Variants in GBE1 observed in about 807,000 individuals in gnomAD.
GBE1 encodes the protein 1,4-alpha-glucan-branching enzyme.
A neutral mutation model predicts 88.8 loss-of-function variants in GBE1; 70 were observed. That is an observed-to-expected ratio of 0.79 (90% CI 0.65 to 0.96). The LOEUF is 0.96. Among genes scored for constraint, GBE1 ranks in the 40% least tolerant of loss-of-function variants. The probability of loss-of-function intolerance (pLI) is 0.00; values close to 1 mark genes in which losing one functional copy is unlikely to be tolerated. For missense variants in GBE1, 872 were observed against 871.0 expected (o/e 1.00, Z -0.01); for synonymous variants, 284 against 300.1 (o/e 0.95, Z 0.56).
rs535869777 is a variant in GBE1, at chr3:81,546,382, T to C, written c.1619-9287A>G. ...ATTCCTCATAACTGTACCAGGTTTGTCAGGGGTGTCTGAACCACAGCAACT... is the reference window on the plus strand; with the variant it reads ...ATTCCTCATAACTGTACCAGGTTTGCCAGGGGTGTCTGAACCACAGCAACT... On this transcript the variant is annotated intron_variant, in intron 12 of 15. Coordinates refer to ENST00000429644, the MANE Select transcript of GBE1 (RefSeq NM_000158.4). Among the ~76,000 whole-genome samples the C allele has an allele frequency of 3.3e-5, 5 of 152,222 alleles. No individual in the cohort carries two copies. The East Asian group carries it at 7.7e-4, about 24-fold the overall frequency.
chr3:81,676,292 C>T (rs1052391068), intron 2 of GBE1, among the ~76,000 whole-genome samples: 1 of 151,960 alleles, frequency 6.6e-6, no homozygotes, highest in Non-Finnish European at 1.5e-5. Context: ...CATTTAGGAA[C>T]CTCCAAGAAT....
intron 3 of GBE1, among the ~76,000 whole-genome samples, chr3:81,667,765 T>C (rs968198179): frequency 1.3e-5 from 2 of 152,218 alleles, no homozygotes; most frequent in African/African-American, 4.8e-5. Flanking sequence ...TTTGCATATG[T>C]TGAACCAGCC....
chr3:81,543,333 C>T (rs1559639772), intron 12 of GBE1, among the ~76,000 whole-genome samples: 1 of 151,950 alleles, frequency 6.6e-6, no homozygotes, highest in Non-Finnish European at 1.5e-5. Flanking sequence ...TACAGGGTGG[C>T]TCTGAATGTT....
chr3:81,681,973 A>C (rs1413035254), intron 2 of GBE1, among the ~76,000 whole-genome samples: 1 of 152,258 alleles, frequency 6.6e-6, no homozygotes, highest in Admixed American at 6.5e-5. Context: ...GGACACTATC[A>C]AGAAAGTGAA....
chr3:81,536,130 T>C (rs149296679), intron 13 of GBE1, among the ~76,000 whole-genome samples: 57 of 151,990 alleles, frequency 3.8e-4, no homozygotes, highest in African/African-American at 1.3e-3. Context: ...CTTCTGGAAA[T>C]AGCATTACTA....
At chr3:81,703,107 T>A (rs1158107180) in intron 2 of GBE1, among the ~76,000 whole-genome samples, 1 of 151,982 alleles carries the variant, frequency 6.6e-6, no homozygotes, top group African/African-American at 2.4e-5. Flanking sequence ...CCTCAACCTC[T>A]GCATGGAATT....
chr3:81,625,969 T>C (rs1576174987), intron 7 of GBE1, among the ~76,000 whole-genome samples: 1 of 152,340 alleles, frequency 6.6e-6, no homozygotes, highest in African/African-American at 2.4e-5. Flanking sequence ...GGTTGTGCTA[T>C]TATCTTCTGC....
chr3:81,564,489 ATAGT>A (rs1181621943), intron 12 of GBE1, among the ~76,000 whole-genome samples: 1 of 152,084 alleles, frequency 6.6e-6, no homozygotes, highest in Non-Finnish European at 1.5e-5. Context: ...AGAATTAGAG[ATAGT>A]TAGGTTCAGT....
intron 9 of GBE1, among the ~76,000 whole-genome samples, chr3:81,589,394 A>C (rs1309538386): frequency 6.6e-6 from 1 of 151,944 alleles, no homozygotes; most frequent in Non-Finnish European, 1.5e-5. Flanking sequence ...TAAAAAAAAA[A>C]AAGTTCATGG....
At chr3:81,739,499 A>C (rs368076703) in intron 1 of GBE1, among the ~76,000 whole-genome samples, 17 of 152,282 alleles carry the variant, frequency 1.1e-4, no homozygotes, top group East Asian at 7.7e-4. Context: ...ATTACTCAAG[A>C]ACAAAAGACA....
At chr3:81,587,551 T>G (rs369283343) in intron 9 of GBE1, among the ~76,000 whole-genome samples, 100 of 152,284 alleles carry the variant, frequency 6.6e-4, no homozygotes, top group African/African-American at 2.3e-3. Flanking sequence ...TAGCTTAAGA[T>G]TCGATTCAAC....
At chr3:81,590,484 G>A (rs1319949791) in intron 9 of GBE1, among the ~76,000 whole-genome samples, 1 of 151,994 alleles carries the variant, frequency 6.6e-6, no homozygotes, top group Non-Finnish European at 1.5e-5. Flanking sequence ...TGTCAATTAT[G>A]CATATATGGA....
intron 9 of GBE1, among the ~76,000 whole-genome samples, chr3:81,590,367 CTAGT>C (rs1272681822): frequency 6.6e-6 from 1 of 151,950 alleles, no homozygotes; most frequent in Non-Finnish European, 1.5e-5. Flanking sequence ...ATAATAATTC[CTAGT>C]TAGAGAACTT....
At chr3:81,682,584 C>T (rs1705365744) in intron 2 of GBE1, among the ~76,000 whole-genome samples, 1 of 152,270 alleles carries the variant, frequency 6.6e-6, no homozygotes, top group African/African-American at 2.4e-5. Context: ...TTCATGCACA[C>T]TAGGATGGCT....
intron 3 of GBE1, chr3:81,654,981 T>C (rs1704910682): frequency 6.6e-6 from 1 of 152,166 alleles, no homozygotes. Flanking sequence ...AATAGCTGAG[T>C]TGTCCCGAGT....
chr3:81,634,030 C>T (rs752708644), intron 7 of GBE1, among the ~76,000 whole-genome samples: 7 of 152,182 alleles, frequency 4.6e-5, no homozygotes, highest in African/African-American at 9.6e-5. Context: ...ATTCTCAACA[C>T]GAAAGCAACT....
At chr3:81,597,434 T>C (rs1442291745) in intron 7 of GBE1, among the ~76,000 whole-genome samples, 1 of 147,090 alleles carries the variant, frequency 6.8e-6, no homozygotes, top group Non-Finnish European at 1.5e-5. Flanking sequence ...AATATATATA[T>C]ATATCTCAAA....
intron 12 of GBE1, among the ~76,000 whole-genome samples, chr3:81,572,089 C>A (rs1703584568): frequency 6.6e-6 from 1 of 152,118 alleles, no homozygotes; most frequent in African/African-American, 2.4e-5. Context: ...ATAGTGAGTT[C>A]TCACAAGATC....
At chr3:81,643,062 G>A in intron 6 of GBE1, 72 bp from the exon 7 acceptor site, 1 of 993,582 alleles carries the variant, frequency 1.0e-6, no homozygotes, top group South Asian at 1.4e-5. Context: ...TGCAGCAATT[G>A]TTTCACCATC....
Sources: gnomAD v4.1 joint callset for allele counts (sites outside exome capture counted in the v4.1 genomes callset) on GRCh38, gnomAD v4.1.1 for gene constraint, MANE v1.5 for transcripts, NCBI Gene and HGNC (gene_info 2026-07-23, HGNC 2026-07-21) for gene names.